The following KCNB2 variants were observed in gnomAD, a reference collection of about 807,000 sequenced individuals.
The protein encoded by KCNB2 is delayed rectifier potassium channel protein.
A neutral mutation model predicts 61.5 loss-of-function variants in KCNB2; 15 were observed. That is an observed-to-expected ratio of 0.24 (90% CI 0.16 to 0.38). KCNB2 has a LOEUF of 0.38. Among genes scored for constraint, KCNB2 ranks in the 10% least tolerant of loss-of-function variants. The probability of loss-of-function intolerance (pLI) is 1.00; values close to 1 mark genes in which losing one functional copy is unlikely to be tolerated. For synonymous variants in KCNB2, 457 were observed against 446.0 expected (o/e 1.02, Z -0.31); for missense variants, 828 against 1,125.2 (o/e 0.74, Z 3.78).
chr8:72,667,109 T>C (rs1425064162), intron 2 of KCNB2, among the ~76,000 whole-genome samples: 2 of 152,134 alleles, frequency 1.3e-5, no homozygotes, highest in African/African-American at 4.8e-5. Context: ...TCTCTATGTC[T>C]TGGTTTGATC....
At chr8:72,899,270 G>A (rs931487577) in intron 2 of KCNB2, among the ~76,000 whole-genome samples, 3 of 152,010 alleles carry the variant, frequency 2.0e-5, no homozygotes, top group African/African-American at 7.2e-5. Context: ...TCTATAACAA[G>A]CCCACAGCCA....
chr8:72,624,772 G>A (rs1424466523), intron 2 of KCNB2, among the ~76,000 whole-genome samples: 1 of 152,150 alleles, frequency 6.6e-6, no homozygotes, highest in Non-Finnish European at 1.5e-5. Context: ...ACAGAGTAGG[G>A]CAAAGGCAGT....
rs760978646 is a variant in KCNB2 at position 72,937,214 on chromosome 8, C to G, written c.1859C>G (p.Pro620Arg). 6.2e-7 allele frequency: 1 copy of G among 1,614,090 alleles called. No individual in the cohort carries two copies. Residue 620 changes from proline (P) to arginine (R), a missense_variant, in exon 3 of 3, where the codon CCG (proline) becomes CGG (arginine). Coordinates refer to ENST00000523207, the MANE Select transcript of KCNB2 (RefSeq NM_004770.3). ...GACTTCACAGAGACAGAGAGATCGC[C>G]GCTGCCGCCGCCCTCCGCCTCTCAC... ...ATDFTETERS[P>R]LPPPSASHLQ...
At chr8:72,818,312 C>T (rs1809438264) in intron 2 of KCNB2, among the ~76,000 whole-genome samples, 1 of 152,148 alleles carries the variant, frequency 6.6e-6, no homozygotes, top group Non-Finnish European at 1.5e-5. Flanking sequence ...AAATCTATTA[C>T]TCCTATTACA....
At chr8:72,854,721 C>T (rs1810177661) in intron 2 of KCNB2, among the ~76,000 whole-genome samples, 1 of 151,968 alleles carries the variant, frequency 6.6e-6, no homozygotes, top group Non-Finnish European at 1.5e-5. Flanking sequence ...GTTAAGCTGA[C>T]ATTGGAGAAA....
At chr8:72,883,738 T>G (rs1007061993) in intron 2 of KCNB2, among the ~76,000 whole-genome samples, 1 of 152,216 alleles carries the variant, frequency 6.6e-6, no homozygotes, top group African/African-American at 2.4e-5. Flanking sequence ...TAAATATACT[T>G]TTTAGATTTA....
chr8:72,923,373 A>G (rs1352506925), intron 2 of KCNB2, among the ~76,000 whole-genome samples: 2 of 152,192 alleles, frequency 1.3e-5, no homozygotes, highest in Non-Finnish European at 2.9e-5. Context: ...AAATATGCCA[A>G]AGATATATGT....
chr8:72,676,718 G>T (rs1410603497), intron 2 of KCNB2, among the ~76,000 whole-genome samples: 2 of 152,042 alleles, frequency 1.3e-5, no homozygotes, highest in Non-Finnish European at 2.9e-5. Context: ...AGAGGTTTAG[G>T]TTAGTTGGGC....
intron 2 of KCNB2, among the ~76,000 whole-genome samples, chr8:72,827,729 A>G (rs1809618733): frequency 6.6e-6 from 1 of 152,184 alleles, no homozygotes; most frequent in South Asian, 2.1e-4. Flanking sequence ...TTCTAATTGC[A>G]ATCATATAGA....
intron 1 of KCNB2, among the ~76,000 whole-genome samples, chr8:72,566,698 G>A (rs1806630293): frequency 7.3e-6 from 1 of 136,402 alleles, no homozygotes; most frequent in Non-Finnish European, 1.6e-5. Context: ...GCTACAGAGT[G>A]AGACTCTATT....
chr8:72,595,877 T>C (rs1329308475), intron 2 of KCNB2, among the ~76,000 whole-genome samples: 1 of 152,222 alleles, frequency 6.6e-6, no homozygotes, highest in Non-Finnish European at 1.5e-5. Context: ...TGCTTGTTTC[T>C]ATGGCTTTTT....
chr8:72,559,288 G>A (rs953576891), intron 1 of KCNB2, among the ~76,000 whole-genome samples: 2 of 151,944 alleles, frequency 1.3e-5, no homozygotes, highest in African/African-American at 4.8e-5. Flanking sequence ...GGGATTACAG[G>A]TGCGCGCTAC....
At chr8:72,853,801 T>G (rs897399784) in intron 2 of KCNB2, among the ~76,000 whole-genome samples, 17 of 152,228 alleles carry the variant, frequency 1.1e-4, no homozygotes, top group African/African-American at 3.9e-4. Flanking sequence ...TGGATGCATC[T>G]AAAGTGACAA....
chr8:72,752,262 G>A (rs1808203073), intron 2 of KCNB2, among the ~76,000 whole-genome samples: 1 of 152,166 alleles, frequency 6.6e-6, no homozygotes, highest in African/African-American at 2.4e-5. Context: ...TATTACCATA[G>A]AAGCTATGAT....
intron 2 of KCNB2, among the ~76,000 whole-genome samples, chr8:72,758,847 A>G (rs1027225673): frequency 6.6e-6 from 1 of 152,222 alleles, no homozygotes; most frequent in African/African-American, 2.4e-5. Flanking sequence ...TGGGCATTTC[A>G]TTAATGGAGA....
At chr8:72,661,398 G>A (rs1054555573) in intron 2 of KCNB2, 8 of 152,166 alleles carry the variant, frequency 5.3e-5, no homozygotes, top group African/African-American at 1.9e-4. Context: ...TGCATTCTCT[G>A]ATGCATTTGT....
At chr8:72,813,789 TATC>T (rs1310263013) in intron 2 of KCNB2, among the ~76,000 whole-genome samples, 8 of 152,240 alleles carry the variant, frequency 5.3e-5, no homozygotes, top group Admixed American at 3.9e-4. Context: ...TCCTCACTTC[TATC>T]ATCATAAATT....
At chr8:72,716,393 C>T (rs1177891090) in intron 2 of KCNB2, among the ~76,000 whole-genome samples, 1 of 152,152 alleles carries the variant, frequency 6.6e-6, no homozygotes, top group Non-Finnish European at 1.5e-5. Context: ...CTTTGATGAA[C>T]ATTGATGCAA....
At chr8:72,834,317 C>A (rs1260387260) in intron 2 of KCNB2, among the ~76,000 whole-genome samples, 4 of 152,052 alleles carry the variant, frequency 2.6e-5, no homozygotes, top group African/African-American at 9.7e-5. Context: ...TGAGATGACT[C>A]TAGAGTTTCG....
Sources: gnomAD v4.1 joint callset for allele counts (sites outside exome capture counted in the v4.1 genomes callset) on GRCh38, gnomAD v4.1.1 for gene constraint, MANE v1.5 for transcripts, NCBI Gene and HGNC (gene_info 2026-07-23, HGNC 2026-07-21) for gene names.